The following CACNB4 variants were observed in gnomAD, a reference collection of about 807,000 sequenced individuals.
CACNB4 encodes the protein calcium voltage-gated channel auxiliary subunit beta 4, also known as voltage-dependent L-type calcium channel subunit beta-4.
In CACNB4, 32 loss-of-function variants were observed where a neutral mutation model predicts 71.2. That is an observed-to-expected ratio of 0.45 (90% CI 0.34 to 0.60). The LOEUF (loss-of-function observed/expected upper bound fraction) is 0.60. Among genes scored for constraint, CACNB4 ranks in the 20% least tolerant of loss-of-function variants. The probability of loss-of-function intolerance (pLI) is 0.01; values close to 1 mark genes in which losing one functional copy is unlikely to be tolerated. For synonymous variants in CACNB4, 231 were observed against 236.9 expected (o/e 0.97, Z 0.23); for missense variants, 464 against 647.9 (o/e 0.72, Z 3.08).
intron 2 of CACNB4, among the ~76,000 whole-genome samples, chr2:152,003,044 C>G (rs560410135): frequency 3.3e-5 from 5 of 152,360 alleles, no homozygotes; most frequent in Admixed American, 1.3e-4. Context: ...AAATGAATTT[C>G]CATCTCCAGG....
intron 2 of CACNB4, among the ~76,000 whole-genome samples, chr2:151,986,437 G>A (rs1681374749): frequency 6.6e-6 from 1 of 152,042 alleles, no homozygotes; most frequent in Non-Finnish European, 1.5e-5. Context: ...TTTATGATGA[G>A]GTTTACCAAG....
At chr2:151,971,771 TC>T (rs2099872614) in intron 2 of CACNB4, 3 of 603,634 alleles carry the variant, frequency 5.0e-6, no homozygotes, top group Non-Finnish European at 8.9e-6. Context: ...ATCTCTCTCT[TC>T]CCCTGATTTA....
At chr2:151,870,115 G>C (rs1479424676) in intron 8 of CACNB4, 12 of 606,566 alleles carry the variant, frequency 2.0e-5, no homozygotes, top group Non-Finnish European at 3.2e-5. Context: ...TAAAAACCCA[G>C]CAGGGTGAAC....
chr2:152,096,559 C>T (rs1472474724), intron 2 of CACNB4, among the ~76,000 whole-genome samples: 2 of 152,156 alleles, frequency 1.3e-5, no homozygotes, highest in Non-Finnish European at 1.5e-5. Flanking sequence ...CAATTAACTC[C>T]TGAATTTAAA....
chr2:151,988,160 A>G (rs1306698960), intron 2 of CACNB4, among the ~76,000 whole-genome samples: 1 of 152,210 alleles, frequency 6.6e-6, no homozygotes, highest in African/African-American at 2.4e-5. Flanking sequence ...AATTACTGCT[A>G]CTGTATTTTT....
At chr2:152,052,361 C>A (rs1426841538) in intron 2 of CACNB4, among the ~76,000 whole-genome samples, 2 of 152,086 alleles carry the variant, frequency 1.3e-5, no homozygotes, top group Non-Finnish European at 2.9e-5. Context: ...AGTACAGTGG[C>A]GTGATCTCGG....
intron 12 of CACNB4, among the ~76,000 whole-genome samples, chr2:151,849,302 G>A (rs2099838431): frequency 6.6e-6 from 1 of 151,966 alleles, no homozygotes; most frequent in Non-Finnish European, 1.5e-5. Flanking sequence ...TCACTCTGTC[G>A]GGTAGAGTGC....
intron 2 of CACNB4, among the ~76,000 whole-genome samples, chr2:152,055,997 A>G (rs912618586): frequency 1.3e-5 from 2 of 152,146 alleles, no homozygotes; most frequent in African/African-American, 4.8e-5. Flanking sequence ...ACCACACTGA[A>G]GCCAGAAGGA....
intron 2 of CACNB4, among the ~76,000 whole-genome samples, chr2:151,891,648 A>G (rs904782126): frequency 9.2e-5 from 14 of 152,232 alleles, no homozygotes; most frequent in African/African-American, 2.9e-4. Context: ...TTAGCAATAA[A>G]TCAAAAACCT....
intron 2 of CACNB4, among the ~76,000 whole-genome samples, chr2:151,953,339 C>T (rs2099867401): frequency 6.6e-6 from 1 of 152,172 alleles, no homozygotes; most frequent in Admixed American, 6.5e-5. Context: ...ACCTTGTTTG[C>T]TCCTTCTCTT....
chr2:152,031,355 A>G (rs754698290), intron 2 of CACNB4, among the ~76,000 whole-genome samples: 1 of 152,194 alleles, frequency 6.6e-6, no homozygotes, highest in Non-Finnish European at 1.5e-5. Context: ...TTTAAATTGC[A>G]GTTACGTGTT....
At position 151,882,133 on chromosome 2, in the gene CACNB4, C is replaced by CCTCCCAAAGTGT. The variant is rs1290823736; in HGVS notation, c.267+1117_267+1118insACACTTTGGGAG. Among the ~76,000 whole-genome samples the CCTCCCAAAGTGT allele has an allele frequency of 2.7e-5, 4 of 149,360 alleles. No individual in the cohort carries two copies. In the East Asian group the frequency reaches 7.8e-4, roughly 29 times the overall value. The stretch of plus-strand genomic sequence containing the variant: ...TGACCTCATGATCTGCCCGCCTCGG[C>CCTCCCAAAGTGT]CTCCCAAAGTGCTGGGATTACAGGC... On this transcript the variant is annotated intron_variant, in intron 3 of 13. Coordinates refer to ENST00000539935, the MANE Select transcript of CACNB4 (RefSeq NM_000726.5).
Position 151,839,128 on chromosome 2 carries a change from A to G in CACNB4, c.1554T>C (p.His518=), listed in dbSNP as rs766933826. ...TTTTGTTTCATTAGACTCAAAGCCT[A>G]TGTCGGGAGTCATGGCTATATCCCC... ...SPGGYSHDSR[H]RL Residue 518 remains histidine, a synonymous_variant, in exon 14 of 14, where the codon CAT becomes CAC. Transcript: ENST00000539935. 3.7e-6 allele frequency: 6 copies of G among 1,609,402 alleles called. No individual in the cohort carries two copies. In the East Asian group the frequency reaches 1.1e-4, roughly 30 times the overall value.
At chr2:151,977,301 C>A (rs1218372015) in intron 2 of CACNB4, among the ~76,000 whole-genome samples, 2 of 152,164 alleles carry the variant, frequency 1.3e-5, no homozygotes, top group Non-Finnish European at 2.9e-5. Flanking sequence ...CTCTATGATT[C>A]TGTTTATAAA....
chr2:151,942,737 C>G (rs2151636193), intron 2 of CACNB4, among the ~76,000 whole-genome samples: 1 of 152,218 alleles, frequency 6.6e-6, no homozygotes, highest in Middle Eastern at 3.4e-3. Context: ...AATGTCTGTC[C>G]TATGCGGTTG....
At chr2:151,911,875 C>A (rs2099856249) in intron 2 of CACNB4, among the ~76,000 whole-genome samples, 1 of 152,010 alleles carries the variant, frequency 6.6e-6, no homozygotes, top group African/African-American at 2.4e-5. Context: ...AGGGATTTGA[C>A]CTCTTCCTGG....
chr2:152,005,564 T>C (rs1682677175), intron 2 of CACNB4, among the ~76,000 whole-genome samples: 1 of 152,220 alleles, frequency 6.6e-6, no homozygotes, highest in Non-Finnish European at 1.5e-5. Context: ...TTGGGTACTA[T>C]GTTCATGATC....
At chr2:151,864,526 A>G (rs946563896) in intron 9 of CACNB4, among the ~76,000 whole-genome samples, 1 of 152,234 alleles carries the variant, frequency 6.6e-6, no homozygotes, top group Admixed American at 6.5e-5. Flanking sequence ...TCCAATATGC[A>G]GCCCAGACAG....
rs1239612610 is a variant in CACNB4 at position 151,836,421 on chromosome 2, T to C, written c.*2698A>G. ...ATTTAGTATATATCTAGATTTTAAG[T>C]ATCATTTACACAATAAACTCTTAAG... On this transcript the variant is annotated 3_prime_UTR_variant, in exon 14 of 14. Coordinates refer to ENST00000539935, the MANE Select transcript of CACNB4 (RefSeq NM_000726.5). The C allele has an allele frequency of 6.6e-6, 1 of 151,850 alleles. No individual in the cohort carries two copies. The highest frequency in any genetic ancestry group is 1.5e-5 in the Non-Finnish European group (1 of 67,750). 9.4% of individuals were successfully genotyped at this position (151,850 alleles called of 1,614,324 possible). A position where few individuals can be genotyped will look rare whatever the true frequency, so the allele number is the denominator to read the frequency against.
Sources: allele counts gnomAD v4.1 joint callset (sites outside exome capture counted in the v4.1 genomes callset), GRCh38; gene constraint gnomAD v4.1.1; transcripts MANE v1.5; gene names NCBI Gene and HGNC (gene_info 2026-07-23, HGNC 2026-07-21).